Variants in SLC22A25 observed in about 807,000 individuals in gnomAD.
SLC22A25 encodes the protein solute carrier family 22 member 25, also known as MGI:2442751, MGI:2385316, MGI:3042283, MGI:3645714, MGI:3605624, MGI:2442750.
SLC22A25 carries 44 observed loss-of-function variants against 45.9 expected under a neutral mutation model. The ratio of observed to expected loss-of-function variants is 0.96; its 90% CI spans 0.75 to 1.23. The LOEUF (loss-of-function observed/expected upper bound fraction) is 1.23, where lower values mean the gene tolerates loss of function less well. Ranked by LOEUF, SLC22A25 falls within the 50% of genes most tolerant of loss-of-function variation. The pLI, the probability that SLC22A25 is intolerant of heterozygous loss-of-function variation, is 0.00. For synonymous variants in SLC22A25, 283 were observed against 238.6 expected (o/e 1.19, Z -1.72); for missense variants, 800 against 666.4 (o/e 1.20, Z -2.21).
Position 63,229,371 on chromosome 11 carries a change from G to T in SLC22A25, c.282C>A (p.Pro94=). 1 of 1,614,038 alleles carries T rather than the reference G, an allele frequency of 6.2e-7. No homozygotes were observed. The highest frequency in any genetic ancestry group is 8.5e-7 in the Non-Finnish European group (1 of 1,179,958). ...CATTCAGATGAATGAGCTTCCACTGGGGATGGACAAAGCGACGACACTTCT... is the reference window on the plus strand; with the variant it reads ...CATTCAGATGAATGAGCTTCCACTGTGGATGGACAAAGCGACGACACTTCT... ...RPEKCRRFVH[P]QWKLIHLNGT... is the part of the protein sequence containing the mutation. Residue 94 remains proline (P), a synonymous_variant, in exon 4 of 12, where the codon CCC becomes CCA. Coordinates refer to ENST00000306494, the MANE Select transcript of SLC22A25 (RefSeq NM_199352.6).
chr11:63,164,412 T>A (rs2087607718), intron 11 of SLC22A25, 114 bp downstream of exon 11: 1 of 941,586 alleles, frequency 1.1e-6, no homozygotes, highest in African/African-American at 1.7e-5. Context: ...TTTATGACTA[T>A]TACATTTGAT....
chr11:63,166,074 A>C lies in SLC22A25; in HGVS notation c.1255T>G (p.Cys419Gly). Reference protein sequence around the residue: ...QMLLMFLLATCLLAIIFVPQE... With the variant: ...QMLLMFLLATGLLAIIFVPQE... Reference sequence around the variant, plus strand: ...GGCACAAATATGATGGCCAGAAGGCAGGTTGCCAGTAGGAACATGAGAAGC... The same window carrying C: ...GGCACAAATATGATGGCCAGAAGGCCGGTTGCCAGTAGGAACATGAGAAGC... The change falls in exon 10 of 12, where the codon TGC (cysteine) becomes GGC (glycine). Residue 419 changes from cysteine (C) to glycine (G), a missense_variant. Transcript: ENST00000306494. 6.2e-7 allele frequency: 1 copy of C among 1,613,982 alleles called. No individual in the cohort carries two copies.
At chr11:63,204,572 A>G (rs1384599949) in intron 7 of SLC22A25, among the ~76,000 whole-genome samples, 3 of 152,250 alleles carry the variant, frequency 2.0e-5, no homozygotes, top group African/African-American at 7.2e-5. Flanking sequence ...GAAAGGCATT[A>G]CATAATGGTA....
intron 7 of SLC22A25, among the ~76,000 whole-genome samples, chr11:63,192,846 A>G (rs1287006350): frequency 6.6e-6 from 1 of 152,212 alleles, no homozygotes; most frequent in East Asian, 1.9e-4. Flanking sequence ...GCAAGTTCTT[A>G]GAGACCTTCA....
chr11:63,175,534 AT>A (rs1014616007), intron 9 of SLC22A25, among the ~76,000 whole-genome samples: 2 of 151,918 alleles, frequency 1.3e-5, no homozygotes. Flanking sequence ...GTTGGCAAAT[AT>A]TTTCCCTCAT....
intron 7 of SLC22A25, among the ~76,000 whole-genome samples, chr11:63,186,930 C>A (rs959880865): frequency 2.0e-5 from 3 of 152,148 alleles, no homozygotes; most frequent in Non-Finnish European, 2.9e-5. Context: ...CAGTACCATG[C>A]TGTTTTGGTG....
rs531402374 is a variant in SLC22A25, at chr11:63,242,485, G to T, written c.-996+949C>A. Among the ~76,000 whole-genome samples the T allele has an allele frequency of 6.6e-5, 10 of 152,216 alleles. No homozygotes were observed. In the East Asian group the frequency reaches 1.9e-3, roughly 29 times the overall value. ...ATATTTAGTAGACTTGTTTAATATC[G>T]TTGCTTCCTTGGCATGCCTTTTTAG... On this transcript the variant is annotated intron_variant, in intron 1 of 11. Coordinates refer to ENST00000306494, the MANE Select transcript of SLC22A25 (RefSeq NM_199352.6).
rs777445103 is a variant in SLC22A25, at chr11:63,166,273, G to A, written c.1071-15C>T. On this transcript the variant is annotated splice_polypyrimidine_tract_variant and intron_variant, in intron 9 of 11. Transcript: ENST00000306494. ...TACTTGCAAATCTGCAGGGAACACA[G>A]AAAAAGGCACATATTATAATCTGTG... is the stretch of plus-strand genomic sequence containing the variant. The A allele has an allele frequency of 2.8e-5, 45 of 1,612,952 alleles. 1 individual carries two copies. The African/African-American group carries it at 4.3e-4, about 15-fold the overall frequency.
rs1264244220 is a variant in SLC22A25, at chr11:63,238,773, C to G, written c.-633G>C. 4.5e-6 allele frequency: 1 copy of G among 223,996 alleles called. No homozygotes were observed. Among genetic ancestry groups the G allele is most frequent in the African/African-American group, 2.3e-5 (1 of 43,326 alleles). 13.9% of individuals were successfully genotyped at this position (223,996 alleles called of 1,614,324 possible). On this transcript the variant is annotated 5_prime_UTR_variant, in exon 2 of 12. Transcript: ENST00000306494. ...TGTTGTACACCCTGCTGTCCACACA[C>G]GGTTCCATGTCTGGTTCATTCATAT...
intron 7 of SLC22A25, among the ~76,000 whole-genome samples, chr11:63,194,888 AGC>A (rs2088950980): frequency 1.2e-5 from 1 of 83,724 alleles, no homozygotes; most frequent in Non-Finnish European, 2.4e-5. Context: ...GCAAATGGAA[AGC>A]AAAAAAAAAA....
intron 8 of SLC22A25, among the ~76,000 whole-genome samples, chr11:63,183,272 A>G (rs567892815): frequency 6.6e-6 from 1 of 152,268 alleles, no homozygotes; most frequent in East Asian, 1.9e-4. Flanking sequence ...ATGAAAGAAT[A>G]TATGACAGAG....
At position 63,159,904 on chromosome 11, in the gene SLC22A25, C is replaced by T. The variant is rs1353302248; in HGVS notation, c.*3920G>A. Among the ~76,000 whole-genome samples, 1 of 152,126 alleles carries T rather than the reference C, an allele frequency of 6.6e-6. No individual in the cohort carries two copies. Among genetic ancestry groups the T allele is most frequent in the Non-Finnish European group, 1.5e-5 (1 of 68,030 alleles). Reference sequence around the variant, plus strand: ...CTCTTGCTATATTTTAGTAAAGAGACTGGCAGCGTTTACTCCTGTCCTAGA... The same window carrying T: ...CTCTTGCTATATTTTAGTAAAGAGATTGGCAGCGTTTACTCCTGTCCTAGA... On this transcript the variant is annotated 3_prime_UTR_variant, in exon 12 of 12. Coordinates refer to ENST00000306494, the MANE Select transcript of SLC22A25 (RefSeq NM_199352.6).
Position 63,163,797 on chromosome 11 carries a change from T to C in SLC22A25, c.*27A>G. 6.3e-7 allele frequency: 1 copy of C among 1,584,126 alleles called. No homozygotes were observed. On this transcript the variant is annotated 3_prime_UTR_variant, in exon 12 of 12. Transcript: ENST00000306494. ...CTTTTTGGGGGATGGTAGCCCTAAA[T>C]GGTGTTTTGCTTTCCTCAGCACAGA...
intron 7 of SLC22A25, among the ~76,000 whole-genome samples, chr11:63,185,812 C>G (rs10400396): frequency 0.012 from 1,821 of 145,994 alleles, 18 homozygotes; most frequent in Middle Eastern, 0.042. Flanking sequence ...TTTGTTCTTG[C>G]GATAGTTTAC....
chr11:63,239,340 T>C (rs533574524), intron 1 of SLC22A25, among the ~76,000 whole-genome samples: 2 of 152,332 alleles, frequency 1.3e-5, no homozygotes, highest in East Asian at 3.9e-4. Flanking sequence ...AAAAATATTT[T>C]GCTTGGATAC....
intron 8 of SLC22A25, 93 bp downstream of exon 8, chr11:63,183,601 T>C (rs973647690): frequency 2.8e-5 from 43 of 1,535,392 alleles, no homozygotes; most frequent in Non-Finnish European, 3.7e-5. Flanking sequence ...TCTACCTGTG[T>C]TTCTCTCCTT....
At position 63,181,168 on chromosome 11, in the gene SLC22A25, T is replaced by A. The variant is rs535083632; in HGVS notation, c.955-393A>T. On this transcript the variant is annotated intron_variant, in intron 8 of 11. Coordinates refer to ENST00000306494, the MANE Select transcript of SLC22A25 (RefSeq NM_199352.6). ...TGAACTGCCTTTGGTGAAAAACAGT[T>A]TGCCTGCCTCAGGAAAGAGATAAAT... is the stretch of plus-strand genomic sequence containing the variant. Among the ~76,000 whole-genome samples, 566 of 152,214 alleles carry A rather than the reference T, an allele frequency of 3.7e-3. 5 individuals carry two copies. The highest frequency in any genetic ancestry group is 0.013 in the African/African-American group (534 of 41,554).
At chr11:63,164,410 T>C in intron 11 of SLC22A25, 116 bp downstream of exon 11, 1 of 924,852 alleles carries the variant, frequency 1.1e-6, no homozygotes, top group Non-Finnish European at 1.7e-6. Context: ...TTTTTATGAC[T>C]ATTACATTTG....
rs373188153 is a variant in SLC22A25 at position 63,160,268 on chromosome 11, G to T, written c.*3556C>A. Among the ~76,000 whole-genome samples the T allele has an allele frequency of 1.3e-5, 2 of 152,146 alleles. No individual in the cohort carries two copies. Among genetic ancestry groups the T allele is most frequent in the South Asian group, 4.1e-4 (2 of 4,832 alleles). ...CAGGCCTGGAGGCCTAGGAGGTCCA[G>T]GTGCCCCTGCTGTGTGCAGCCTTAG... On this transcript the variant is annotated 3_prime_UTR_variant, in exon 12 of 12. Transcript: ENST00000306494.
Sources: gnomAD v4.1 joint callset for allele counts (sites outside exome capture counted in the v4.1 genomes callset) on GRCh38, gnomAD v4.1.1 for gene constraint, MANE v1.5 for transcripts, NCBI Gene and HGNC (gene_info 2026-07-23, HGNC 2026-07-21) for gene names.